The following ZNF578 variants were observed in gnomAD, a reference collection of about 807,000 sequenced individuals.
ZNF578 encodes the protein Putative chemokine-related protein B42.
Under a neutral mutation model 8.3 loss-of-function variants are expected in ZNF578, and 8 were observed. The observed-to-expected ratio is 0.96, with a 90% CI of 0.56 to 1.74. The LOEUF (loss-of-function observed/expected upper bound fraction) is 1.74, where lower values mean the gene tolerates loss of function less well. Among genes scored for constraint, ZNF578 ranks in the 40% most tolerant of loss-of-function variants. The probability of loss-of-function intolerance (pLI) is 0.00; values close to 1 mark genes in which losing one functional copy is unlikely to be tolerated. For synonymous variants in ZNF578, 206 were observed against 232.2 expected (o/e 0.89, Z 1.03); for missense variants, 726 against 707.5 (o/e 1.03, Z -0.30).
chr19:52,500,820 G>A (rs2059404151), intron 3 of ZNF578, among the ~76,000 whole-genome samples: 2 of 151,286 alleles, frequency 1.3e-5, no homozygotes, highest in Non-Finnish European at 2.9e-5. Flanking sequence ...CTTTTGCTTA[G>A]TGATTTTGGG....
Position 52,510,656 on chromosome 19 carries a change from G to A in ZNF578, c.275G>A (p.Arg92Lys). ...GTGATCCACACAGGGATGTTGCAAA[G>A]ACATGAAAGTTATCACACTGGAGAT... Reference protein sequence around the residue: ...TEVIHTGMLQRHESYHTGDFC... With the variant: ...TEVIHTGMLQKHESYHTGDFC... The change falls in exon 6 of 6, where the codon AGA becomes AAA. Residue 92 changes from arginine to lysine, a missense_variant. Physicochemically the swap from Arg to Lys is conservative, Grantham distance 26. Transcript: ENST00000421239. The A allele has an allele frequency of 1.9e-6, 3 of 1,612,066 alleles. No homozygotes were observed. Among genetic ancestry groups the A allele is most frequent in the Non-Finnish European group, 2.5e-6 (3 of 1,179,164 alleles).
At chr19:52,499,111 T>G (rs2059397610) in intron 3 of ZNF578, among the ~76,000 whole-genome samples, 1 of 152,134 alleles carries the variant, frequency 6.6e-6, no homozygotes. Context: ...GTGAAATGTC[T>G]CCCGCTGTGA....
chr19:52,510,343 G>A (rs937580175), intron 5 of ZNF578, among the ~76,000 whole-genome samples: 1 of 152,086 alleles, frequency 6.6e-6, no homozygotes, highest in Non-Finnish European at 1.5e-5. Context: ...TTTGTGCCCT[G>A]TCAGTGTTTT....
chr19:52,496,590 A>G (rs2059387605), intron 3 of ZNF578, among the ~76,000 whole-genome samples: 1 of 148,544 alleles, frequency 6.7e-6, no homozygotes, highest in Admixed American at 6.8e-5. Flanking sequence ...CAGCCTCCCA[A>G]AGTGCTGGGA....
chr19:52,495,272 C>G (rs2059381926), intron 3 of ZNF578, among the ~76,000 whole-genome samples: 2 of 143,586 alleles, frequency 1.4e-5, no homozygotes, highest in Non-Finnish European at 3.1e-5. Context: ...TGAAGCGATT[C>G]TCCTGCGATA....
chr19:52,480,202 A>G (rs948642486), intron 2 of ZNF578, among the ~76,000 whole-genome samples: 18 of 152,062 alleles, frequency 1.2e-4, no homozygotes, highest in Non-Finnish European at 2.4e-4. Context: ...CACCGTGCCC[A>G]GTCGATTATG....
intron 2 of ZNF578, among the ~76,000 whole-genome samples, chr19:52,471,816 C>CA (rs922449410): frequency 6.0e-4 from 91 of 151,016 alleles, no homozygotes; most frequent in African/African-American, 1.4e-3. Context: ...TTAAAATTAC[C>CA]AAAAAAAAGG....
chr19:52,491,153 A>T (rs1251485110), intron 2 of ZNF578, among the ~76,000 whole-genome samples, 171 bp from the exon 3 acceptor site: 2 of 152,178 alleles, frequency 1.3e-5, no homozygotes, highest in African/African-American at 4.8e-5. Context: ...AAGGACATGT[A>T]ATCGCCCTTT....
chr19:52,467,862 T>C (rs556596023), intron 2 of ZNF578, among the ~76,000 whole-genome samples: 1 of 152,270 alleles, frequency 6.6e-6, no homozygotes, highest in African/African-American at 2.4e-5. Context: ...GCCTAAAACA[T>C]CTGGGAAAAA....
At chr19:52,481,959 C>T (rs948764495) in intron 2 of ZNF578, among the ~76,000 whole-genome samples, 2 of 152,098 alleles carry the variant, frequency 1.3e-5, no homozygotes, top group Non-Finnish European at 2.9e-5. Flanking sequence ...TCTCAAAATC[C>T]TGGGCTCAAA....
intron 1 of ZNF578, chr19:52,453,918 T>G (rs941207100): frequency 1.2e-4 from 19 of 152,254 alleles, no homozygotes; most frequent in Non-Finnish European, 7.3e-5. Flanking sequence ...CAGTGGGTCC[T>G]CCAAGCCTCG....
chr19:52,500,900 A>G (rs7246279), intron 3 of ZNF578, among the ~76,000 whole-genome samples: 15,744 of 127,822 alleles, frequency 0.12, 958 homozygotes, highest in African/African-American at 0.18. Flanking sequence ...TTTTTTTGAG[A>G]TAGAGTCTTG....
intron 2 of ZNF578, among the ~76,000 whole-genome samples, chr19:52,482,649 TAAAA>T (rs943370462): frequency 6.7e-6 from 1 of 149,236 alleles, no homozygotes; most frequent in African/African-American, 2.5e-5. Context: ...AAAAAAATTT[TAAAA>T]AAGGAACATC....
intron 2 of ZNF578, among the ~76,000 whole-genome samples, chr19:52,486,995 G>A (rs1299343756): frequency 1.3e-5 from 2 of 150,770 alleles, no homozygotes; most frequent in Admixed American, 6.7e-5. Flanking sequence ...GAGAGAAGGG[G>A]AGAATGAGAG....
At chr19:52,488,825 G>T (rs1384337398) in intron 2 of ZNF578, among the ~76,000 whole-genome samples, 1 of 151,884 alleles carries the variant, frequency 6.6e-6, no homozygotes, top group East Asian at 1.9e-4. Flanking sequence ...TATCAAAGCT[G>T]GGCATGGTGG....
At chr19:52,459,367 G>A (rs757148507) in intron 2 of ZNF578, among the ~76,000 whole-genome samples, 8 of 152,028 alleles carry the variant, frequency 5.3e-5, no homozygotes, top group Non-Finnish European at 7.4e-5. Context: ...TTTTGTGACT[G>A]TCTTATTTTC....
rs1333023147 is a variant in ZNF578, at chr19:52,513,400, T to C, written c.*1246T>C. Reference sequence around the variant, plus strand: ...TTAAAGAGATAGTACTTTTTTGAGATAGTACTTTTTTAAAGGGATATACCA... The same window carrying C: ...TTAAAGAGATAGTACTTTTTTGAGACAGTACTTTTTTAAAGGGATATACCA... On this transcript the variant is annotated 3_prime_UTR_variant, in exon 6 of 6. Coordinates refer to ENST00000421239, the MANE Select transcript of ZNF578 (RefSeq NM_001099694.2). Among the ~76,000 whole-genome samples the C allele has an allele frequency of 6.8e-6, 1 of 146,404 alleles. No homozygotes were observed.
intron 3 of ZNF578, among the ~76,000 whole-genome samples, chr19:52,501,194 G>T (rs1163497581): frequency 1.3e-4 from 20 of 152,108 alleles, no homozygotes; most frequent in Non-Finnish European, 7.4e-5. Flanking sequence ...GATTATTTTT[G>T]TGCCTTTGTC....
rs554829373 is a variant in ZNF578 at position 52,514,253 on chromosome 19, T to G, written c.*2099T>G. On this transcript the variant is annotated 3_prime_UTR_variant, in exon 6 of 6. Coordinates refer to ENST00000421239, the MANE Select transcript of ZNF578 (RefSeq NM_001099694.2). The stretch of plus-strand genomic sequence containing the variant: ...GTAATCAGCTCACATCATTCGTTTC[T>G]GTACTTGTATATTTTCCAGTTGTTT... 2.0e-5 allele frequency among the ~76,000 whole-genome samples: 3 copies of G among 152,360 alleles called. No homozygotes were observed. In the East Asian group the frequency reaches 5.8e-4, roughly 29 times the overall value.
Sources: gnomAD v4.1 joint callset for allele counts (sites outside exome capture counted in the v4.1 genomes callset) on GRCh38, gnomAD v4.1.1 for gene constraint, MANE v1.5 for transcripts, NCBI Gene and HGNC (gene_info 2026-07-23, HGNC 2026-07-21) for gene names.